The following PTCHD1 variants were observed in gnomAD, a reference collection of about 807,000 sequenced individuals.
The protein encoded by PTCHD1 is patched domain-containing protein 1.
PTCHD1 carries 3 observed loss-of-function variants against 34.6 expected under a neutral mutation model. The observed-to-expected ratio is 0.09, with a 90% CI of 0.04 to 0.22. The LOEUF (loss-of-function observed/expected upper bound fraction) is 0.22, where lower values mean the gene tolerates loss of function less well. PTCHD1 is among the 10% of genes least tolerant of loss of function. PTCHD1 has a pLI of 1.00. For missense variants in PTCHD1, 504 were observed against 685.5 expected, an observed-to-expected ratio of 0.74 and a Z score of 2.96; for synonymous variants, 305 against 283.1, an observed-to-expected ratio of 1.08 and a Z score of -0.77.
Position 23,365,925 on chromosome X carries a change from A to G in PTCHD1, c.352-13666A>G, listed in dbSNP as rs1922128299. On this transcript the variant is annotated intron_variant, in intron 1 of 2. Coordinates refer to ENST00000379361, the MANE Select transcript of PTCHD1 (RefSeq NM_173495.3). ...GTCTATGACTGCACTTTAGAAGTGT[A>G]CATACAGAAAATTGAAAAGCCACAC... Among the ~76,000 whole-genome samples, 4 of 112,216 alleles carry G rather than the reference A, an allele frequency of 3.6e-5. No homozygotes were observed. The South Asian group carries it at 1.5e-3, about 42-fold the overall frequency.
At chrX:23,392,066 C>CTTTTTTTTTTTT (rs778431181) in intron 2 of PTCHD1, among the ~76,000 whole-genome samples, 2 of 44,178 alleles carry the variant, frequency 4.5e-5, no homozygotes, top group Non-Finnish European at 7.3e-5. Flanking sequence ...TTTTTTCTTT[C>CTTTTTTTTTTTT]TTTCTTTCTT....
intron 1 of PTCHD1, among the ~76,000 whole-genome samples, chrX:23,350,539 C>T (rs1326351396): frequency 1.8e-5 from 2 of 111,704 alleles, no homozygotes; most frequent in African/African-American, 6.5e-5. Flanking sequence ...AGTTGCAATA[C>T]TCCCAAACCA....
At position 23,377,509 on chromosome X, in the gene PTCHD1, C is replaced by T. The variant is rs150201777; in HGVS notation, c.352-2082C>T. Among the ~76,000 whole-genome samples the T allele has an allele frequency of 7.3e-3, 804 of 110,201 alleles. 3 individuals carry two copies. Among genetic ancestry groups the T allele is most frequent in the Admixed American group, 0.012 (119 of 10,314 alleles). The stretch of plus-strand genomic sequence containing the variant: ...AAATCATGGAAGACATTTTGCTCAC[C>T]ATTAATCCCAAAGCATCAAAACAAA... On this transcript the variant is annotated intron_variant, in intron 1 of 2. Coordinates refer to ENST00000379361, the MANE Select transcript of PTCHD1 (RefSeq NM_173495.3).
chrX:23,392,037 C>T (rs183703039), intron 2 of PTCHD1, among the ~76,000 whole-genome samples: 1,371 of 78,205 alleles, frequency 0.018, 31 homozygotes, highest in African/African-American at 0.071. Context: ...GTTTCATTTT[C>T]TTTCTTTTTT....
At chrX:23,372,714 C>A (rs1410376810) in intron 1 of PTCHD1, among the ~76,000 whole-genome samples, 1 of 111,800 alleles carries the variant, frequency 8.9e-6, no homozygotes, top group Non-Finnish European at 1.9e-5. Context: ...TGGGACTTTC[C>A]TTTGCCATTT....
At position 23,389,460 on chromosome X, in the gene PTCHD1, T is replaced by C. The variant is rs146006979; in HGVS notation, c.1013-3071T>C. On this transcript the variant is annotated intron_variant, in intron 2 of 2. Coordinates refer to ENST00000379361, the MANE Select transcript of PTCHD1 (RefSeq NM_173495.3). ...AACCTTCAGGAAGGAGGCCCAGTTATGGTATCAGCAATTGTCCCAGAAATC... is the reference window on the plus strand; with the variant it reads ...AACCTTCAGGAAGGAGGCCCAGTTACGGTATCAGCAATTGTCCCAGAAATC... 5.3e-3 allele frequency among the ~76,000 whole-genome samples: 594 copies of C among 112,088 alleles called. 6 individuals are homozygous for C. The highest frequency in any genetic ancestry group is 0.019 in the African/African-American group (575 of 30,850).
chrX:23,384,320 G>A (rs780552673), intron 2 of PTCHD1, among the ~76,000 whole-genome samples: 2 of 112,173 alleles, frequency 1.8e-5, no homozygotes, highest in Non-Finnish European at 3.8e-5. Flanking sequence ...TTTTTCAAAT[G>A]TTTGGGATTT....
intron 1 of PTCHD1, among the ~76,000 whole-genome samples, chrX:23,353,759 G>A (rs1000377342): frequency 8.9e-6 from 1 of 112,185 alleles, no homozygotes; most frequent in Non-Finnish European, 1.9e-5. Flanking sequence ...TTGGATTTGT[G>A]TTTTAGAAAA....
chrX:23,373,059 G>C (rs1010380204), intron 1 of PTCHD1, among the ~76,000 whole-genome samples: 2 of 112,311 alleles, frequency 1.8e-5, no homozygotes, highest in Non-Finnish European at 3.8e-5. Context: ...ATCCATACCA[G>C]TGTGGAGTCA....
intron 1 of PTCHD1, among the ~76,000 whole-genome samples, chrX:23,345,393 CA>C (rs2046075933): frequency 8.9e-6 from 1 of 112,171 alleles, no homozygotes; most frequent in South Asian, 3.7e-4. Context: ...AGCAAGCCCC[CA>C]GGGATATTGA....
At chrX:23,391,044 A>G (rs778536166) in intron 2 of PTCHD1, among the ~76,000 whole-genome samples, 1 of 111,777 alleles carries the variant, frequency 8.9e-6, no homozygotes, top group South Asian at 3.8e-4. Context: ...GAGCCTTCCA[A>G]TGTTGCAGTG....
intron 1 of PTCHD1, among the ~76,000 whole-genome samples, chrX:23,344,756 A>T (rs1229715581): frequency 9.0e-6 from 1 of 111,647 alleles, no homozygotes; most frequent in Non-Finnish European, 1.9e-5. Context: ...ACACAAAAAA[A>T]GCCTTCACTT....
At chrX:23,340,077 G>A (rs1045191092) in intron 1 of PTCHD1, among the ~76,000 whole-genome samples, 5 of 111,928 alleles carry the variant, frequency 4.5e-5, no homozygotes, top group Admixed American at 1.9e-4. Flanking sequence ...GCACAGCGTA[G>A]CCCCCACAAC....
intron 1 of PTCHD1, among the ~76,000 whole-genome samples, chrX:23,335,777 C>T (rs760134336): frequency 9.0e-6 from 1 of 111,185 alleles, no homozygotes; most frequent in South Asian, 3.9e-4. Context: ...AAGATGCCTC[C>T]CACCCACCCA....
chrX:23,390,570 G>A (rs1331649063), intron 2 of PTCHD1, among the ~76,000 whole-genome samples: 1 of 111,556 alleles, frequency 9.0e-6, no homozygotes, highest in African/African-American at 3.3e-5. Flanking sequence ...TCATATCTGG[G>A]GAGTTTAGGT....
intron 1 of PTCHD1, among the ~76,000 whole-genome samples, chrX:23,363,513 G>T (rs773650102): frequency 1.8e-5 from 2 of 112,898 alleles, no homozygotes; most frequent in Non-Finnish European, 3.7e-5. Flanking sequence ...TTGGAAAAGC[G>T]CAGTATTTGG....
intron 2 of PTCHD1, among the ~76,000 whole-genome samples, chrX:23,389,351 C>G (rs557705149): frequency 2.3e-3 from 260 of 111,963 alleles, no homozygotes; most frequent in South Asian, 0.01. Context: ...TGAGCCAGGA[C>G]AGCTGCCAGC....
chrX:23,365,164 A>G (rs1214925373), intron 1 of PTCHD1, among the ~76,000 whole-genome samples: 5 of 111,973 alleles, frequency 4.5e-5, no homozygotes, highest in Non-Finnish European at 9.4e-5. Flanking sequence ...TTGGAGAAAT[A>G]TTTATTGCAT....
chrX:23,343,673 A>G (rs1921402906), intron 1 of PTCHD1, among the ~76,000 whole-genome samples: 1 of 112,181 alleles, frequency 8.9e-6, no homozygotes, highest in Non-Finnish European at 1.9e-5. Flanking sequence ...AAAGAAAATG[A>G]TACTGGTACA....
Sources: allele counts gnomAD v4.1 joint callset (sites outside exome capture counted in the v4.1 genomes callset), GRCh38; gene constraint gnomAD v4.1.1; transcripts MANE v1.5; gene names NCBI Gene and HGNC (gene_info 2026-07-23, HGNC 2026-07-21).